Variants in DRC8 observed in about 807,000 individuals in gnomAD.
The protein encoded by DRC8 is dynein regulatory complex subunit 8.
chr1:245,061,878 G>A, the DRC8 span, among the ~76,000 whole-genome samples: 1 of 152,222 alleles, frequency 6.6e-6, no homozygotes, highest in Non-Finnish European at 1.5e-5. Flanking sequence ...GGCTGAAGCA[G>A]GTGGATCACT....
the DRC8 span, among the ~76,000 whole-genome samples, chr1:245,033,107 A>G: frequency 0.36 from 55,397 of 152,102 alleles, 10,425 homozygotes; most frequent in African/African-American, 0.47. Flanking sequence ...GCCTCACAGC[A>G]CGGCTAGTCC....
At chr1:244,984,859 A>AAG in the DRC8 span, among the ~76,000 whole-genome samples, 1 of 151,640 alleles carries the variant, frequency 6.6e-6, no homozygotes, top group Non-Finnish European at 1.5e-5. Context: ...TCAAAAAAAA[A>AAG]AAAAAACTCC....
chr1:245,003,012 C>T, the DRC8 span, among the ~76,000 whole-genome samples: 9 of 152,198 alleles, frequency 5.9e-5, no homozygotes, highest in African/African-American at 2.2e-4. Context: ...TTTGAGCACT[C>T]TAGGTACTTC....
At chr1:245,100,328 T>A in the DRC8 span, among the ~76,000 whole-genome samples, 52 of 152,116 alleles carry the variant, frequency 3.4e-4, no homozygotes, top group African/African-American at 1.2e-3. Flanking sequence ...GAGGTTGCAG[T>A]GAGCCAAGAT....
At chr1:244,985,078 T>TTTG in the DRC8 span, among the ~76,000 whole-genome samples, 122 of 30,808 alleles carry the variant, frequency 4.0e-3, no homozygotes, top group African/African-American at 7.6e-3. Context: ...TCTCCAGGGT[T>TTTG]TTTTTTTTTT....
the DRC8 span, among the ~76,000 whole-genome samples, chr1:244,976,653 G>A: frequency 6.6e-6 from 1 of 152,196 alleles, no homozygotes; most frequent in Non-Finnish European, 1.5e-5. Context: ...GTATTGGTGA[G>A]GATGTGGAGA....
chr1:244,972,412 T>C, the DRC8 span, among the ~76,000 whole-genome samples: 85,329 of 152,128 alleles, frequency 0.56, 25,235 homozygotes, highest in East Asian at 0.75. Flanking sequence ...ACCACTGTGC[T>C]AGGTGTGTAT....
At chr1:245,075,746 A>AT in the DRC8 span, 1 of 152,174 alleles carries the variant, frequency 6.6e-6, no homozygotes, top group African/African-American at 2.4e-5. Flanking sequence ...CTTTTAAATT[A>AT]TTACTCCACG....
chr1:245,055,964 G>A, the DRC8 span, among the ~76,000 whole-genome samples: 1 of 152,074 alleles, frequency 6.6e-6, no homozygotes, highest in Non-Finnish European at 1.5e-5. Flanking sequence ...CCATTTACAG[G>A]TGTGTAATAG....
chr1:245,095,223 C>A, the DRC8 span, among the ~76,000 whole-genome samples: 2 of 152,194 alleles, frequency 1.3e-5, no homozygotes, highest in East Asian at 1.9e-4. Context: ...AGCTGAGCTC[C>A]GTCTGGCCTG....
the DRC8 span, among the ~76,000 whole-genome samples, chr1:245,116,277 G>A: frequency 1.3e-5 from 2 of 152,054 alleles, no homozygotes; most frequent in African/African-American, 4.8e-5. Flanking sequence ...CTTGGGAGGC[G>A]GAAGTGAAGG....
At chr1:245,043,213 C>G in the DRC8 span, among the ~76,000 whole-genome samples, 2 of 152,168 alleles carry the variant, frequency 1.3e-5, no homozygotes, top group Admixed American at 1.3e-4. Flanking sequence ...GGGCGGATCA[C>G]TTGAAGTCAG....
chr1:244,978,345 T>C, the DRC8 span, among the ~76,000 whole-genome samples: 137 of 152,118 alleles, frequency 9.0e-4, no homozygotes, highest in South Asian at 0.012. Flanking sequence ...AATACAAAAT[T>C]AGCTGGGCAT....
chr1:245,037,810 A>C, the DRC8 span, among the ~76,000 whole-genome samples: 1 of 152,160 alleles, frequency 6.6e-6, no homozygotes, highest in East Asian at 1.9e-4. Context: ...AATAAAATTA[A>C]TACATAGAAA....
chr1:245,067,721 T>C, the DRC8 span, among the ~76,000 whole-genome samples: 1 of 152,232 alleles, frequency 6.6e-6, no homozygotes, highest in Non-Finnish European at 1.5e-5. Context: ...TATCAGCCTG[T>C]GCCTGGACTC....
At chr1:245,073,576 A>G in the DRC8 span, among the ~76,000 whole-genome samples, 1,118 of 152,296 alleles carry the variant, frequency 7.3e-3, 6 homozygotes, top group Non-Finnish European at 0.012. Flanking sequence ...TTGCTGTGAC[A>G]TAAAACTACT....
At chr1:244,974,840 C>T in the DRC8 span, among the ~76,000 whole-genome samples, 8 of 152,026 alleles carry the variant, frequency 5.3e-5, no homozygotes, top group African/African-American at 1.4e-4. Flanking sequence ...GGACTACAGG[C>T]GCAAGCCACC....
chr1:245,049,701 G>T, the DRC8 span, among the ~76,000 whole-genome samples: 6 of 152,224 alleles, frequency 3.9e-5, no homozygotes, highest in Non-Finnish European at 8.8e-5. This position sits in a 1 kb window ranked among gnomAD's most constrained non-coding sequence, Gnocchi z 4.5. Flanking sequence ...CAAAGCTCCC[G>T]TGGGGTGGAA....
chr1:244,999,083 G>GC, the DRC8 span, among the ~76,000 whole-genome samples: 4 of 90,232 alleles, frequency 4.4e-5, no homozygotes, highest in Non-Finnish European at 9.5e-5. Context: ...AAAAAAAAAA[G>GC]AAAGAAAAGG....
Sources: gnomAD v4.1 joint callset for allele counts (sites outside exome capture counted in the v4.1 genomes callset) on GRCh38, gnomAD v4.1.1 for gene constraint, Gnocchi (gnomAD v3.1) non-coding constraint, MANE v1.5 for transcripts, NCBI Gene and HGNC (gene_info 2026-07-23, HGNC 2026-07-21) for gene names.